Variants in AMZ1 observed in about 807,000 individuals in gnomAD.
The protein encoded by AMZ1 is archaelysin family metallopeptidase 1, also known as archaemetzincin-1.
AMZ1 carries 39 observed loss-of-function variants against 29.9 expected under a neutral mutation model. That is an observed-to-expected ratio of 1.30 (90% CI 1.01 to 1.70). The LOEUF (loss-of-function observed/expected upper bound fraction) is 1.70, where lower values mean the gene tolerates loss of function less well. AMZ1 is among the 40% of genes most tolerant of loss of function. The probability of loss-of-function intolerance (pLI) is 0.00; values close to 1 mark genes in which losing one functional copy is unlikely to be tolerated. For missense variants in AMZ1, 1,041 were observed against 680.6 expected, an observed-to-expected ratio of 1.53 and a Z score of -5.89; for synonymous variants, 458 against 304.0, an observed-to-expected ratio of 1.51 and a Z score of -5.27.
At chr7:2,760,792 G>A (rs956837698), upstream of AMZ1, among the ~76,000 whole-genome samples, 10 of 152,158 alleles carry the variant, frequency 6.6e-5, no homozygotes, top group Non-Finnish European at 1.3e-4. Context: ...CTGCTGGACC[G>A]TCCCAGCTGC....
intron 4 of AMZ1, among the ~76,000 whole-genome samples, chr7:2,747,047 A>G (rs186316548): frequency 6.6e-6 from 1 of 152,206 alleles, no homozygotes; most frequent in African/African-American, 2.4e-5. Context: ...AACCAAAAAA[A>G]GTCCAGGAGC....
rs1472757552 is a variant in AMZ1 at position 2,717,783 on chromosome 7, G to A, written c.*4905G>A. Among the ~76,000 whole-genome samples, 1 of 152,314 alleles carries A rather than the reference G, an allele frequency of 6.6e-6. No individual in the cohort carries two copies. Among genetic ancestry groups the A allele is most frequent in the South Asian group, 2.1e-4 (1 of 4,824 alleles). ...CACCTTGATGAATGAGAACCCGGAA[G>A]AATGGAGGTTTATTTTTGAACTCAG... On this transcript the variant is annotated 3_prime_UTR_variant, in exon 7 of 7. Transcript: ENST00000683327.
chr7:2,717,301 G>C lies in AMZ1; in HGVS notation c.*4423G>C, dbSNP rs1789184881. Reference sequence around the variant, plus strand: ...AAGACGGAGAGAATCAGGGCTTCGCGACGGGGCTCATAGACCTGAACTGGG... The same window carrying C: ...AAGACGGAGAGAATCAGGGCTTCGCCACGGGGCTCATAGACCTGAACTGGG... On this transcript the variant is annotated 3_prime_UTR_variant, in exon 7 of 7. Coordinates refer to ENST00000683327, the MANE Select transcript of AMZ1 (RefSeq NM_001384743.1). Among the ~76,000 whole-genome samples the C allele has an allele frequency of 6.6e-6, 1 of 152,288 alleles. No individual in the cohort carries two copies. The highest frequency in any genetic ancestry group is 1.9e-4 in the East Asian group (1 of 5,186).
At chr7:2,702,467 C>A in intron 2 of AMZ1, 1 of 517,056 alleles carries the variant, frequency 1.9e-6, no homozygotes, top group East Asian at 3.4e-5. Flanking sequence ...CTGCTCTCTC[C>A]CTGAGCTCAT....
Position 2,709,807 on chromosome 7 carries a change from G to GA in AMZ1, c.940dup (p.Arg314LysfsTer42). 1 of 1,611,986 alleles carries GA rather than the reference G, an allele frequency of 6.2e-7. No individual in the cohort carries two copies. Among genetic ancestry groups the GA allele is most frequent in the Non-Finnish European group, 8.5e-7 (1 of 1,179,782 alleles). On this transcript the variant is annotated frameshift_variant, in exon 6 of 7. Coordinates refer to ENST00000683327, the MANE Select transcript of AMZ1 (RefSeq NM_001384743.1). LOFTEE classifies it low-confidence loss of function (END_TRUNC). ...ATGTCCTGGGTTTCAGGCTCATCGA[G>GA]AGGTACCAGGTGAGTGGCTGAGTTG... is the stretch of plus-strand genomic sequence containing the variant.
chr7:2,742,931 G>C (rs1438091986), intron 4 of AMZ1, among the ~76,000 whole-genome samples: 1 of 152,180 alleles, frequency 6.6e-6, no homozygotes, highest in Non-Finnish European at 1.5e-5. Context: ...TAGACCTGTA[G>C]GTTCTTCTCA....
downstream of AMZ1, among the ~76,000 whole-genome samples, chr7:2,720,980 G>A (rs748268006): frequency 5.9e-5 from 9 of 152,316 alleles, no homozygotes; most frequent in South Asian, 2.1e-4. Context: ...CGCCCAGCCC[G>A]TTATTTCTGT....
At position 2,731,365 on chromosome 7, in the gene AMZ1, G is replaced by A; in HGVS notation, n.550+21549G>A. On this transcript the variant is annotated intron_variant and non_coding_transcript_variant, in intron 4 of 4. Coordinates refer to the AMZ1 transcript ENST00000489665. This position sits in a 1 kb window ranked among gnomAD's most constrained non-coding sequence, Gnocchi z 6.0. ...GCGCTGGACGTCCTCCAGCCTGTGC[G>A]GGTCGCCCCTGAAGTCCGGGAAGTG... 6.2e-7 allele frequency: 1 copy of A among 1,613,882 alleles called. No individual in the cohort carries two copies. The highest frequency in any genetic ancestry group is 8.5e-7 in the Non-Finnish European group (1 of 1,179,908).
intron 1 of AMZ1, 135 bp downstream of exon 1, chr7:2,688,431 G>A (rs998189381): frequency 1.3e-5 from 2 of 152,014 alleles, no homozygotes; most frequent in African/African-American, 4.8e-5. Flanking sequence ...GGCGGCGGCG[G>A]CTACGGGCGC....
chr7:2,707,979 A>T lies in AMZ1; in HGVS notation c.473-609A>T, dbSNP rs1343976838. On this transcript the variant is annotated intron_variant, in intron 3 of 6. Transcript: ENST00000683327. The stretch of plus-strand genomic sequence containing the variant: ...GTTGGGATTACAGGCACGCACCACC[A>T]GGCCCGGCTCATTTTGTATTTTTAG... 2.0e-5 allele frequency among the ~76,000 whole-genome samples: 3 copies of T among 151,826 alleles called. No homozygotes were observed. In the East Asian group the frequency reaches 5.8e-4, roughly 29 times the overall value.
intron 3 of AMZ1, among the ~76,000 whole-genome samples, chr7:2,704,311 T>G (rs1052654597): frequency 6.6e-6 from 1 of 152,314 alleles, no homozygotes; most frequent in South Asian, 2.1e-4. Context: ...AAGACCAGCC[T>G]GGGCAACTAG....
In AMZ1 at chr7:2,718,297, C is replaced by T. The variant is rs1196025274; in HGVS notation, c.*5419C>T. Among the ~76,000 whole-genome samples the T allele has an allele frequency of 6.6e-6, 1 of 152,190 alleles. No individual in the cohort carries two copies. Among genetic ancestry groups the T allele is most frequent in the Non-Finnish European group, 1.5e-5 (1 of 68,024 alleles). On this transcript the variant is annotated 3_prime_UTR_variant, in exon 7 of 7. Transcript: ENST00000683327. ...TCCATTTTCTCTCTCAGGCAGGGTG[C>T]TCTGCCCGCCACAGTGTGCCTGGTT...
At chr7:2,735,850 G>A (rs1174954415) in intron 4 of AMZ1, among the ~76,000 whole-genome samples, 1 of 152,156 alleles carries the variant, frequency 6.6e-6, no homozygotes, top group Admixed American at 6.5e-5. Context: ...TGAACTGTAA[G>A]GTGCCAGGGA....
chr7:2,723,485 G>A (rs1583193140), downstream of AMZ1, among the ~76,000 whole-genome samples: 1 of 152,230 alleles, frequency 6.6e-6, no homozygotes, highest in African/African-American at 2.4e-5. Context: ...GAGCACAGAT[G>A]GGAAACACAT....
downstream of AMZ1, among the ~76,000 whole-genome samples, chr7:2,722,065 C>T (rs1198722651): frequency 6.6e-6 from 1 of 152,130 alleles, no homozygotes; most frequent in Admixed American, 6.5e-5. Flanking sequence ...TCCTGAAAGG[C>T]ACAGGCGCTA....
intron 4 of AMZ1, among the ~76,000 whole-genome samples, chr7:2,740,134 C>CT (rs1720511405): frequency 6.6e-6 from 1 of 152,126 alleles, no homozygotes; most frequent in South Asian, 2.1e-4. Context: ...GGTGGCCATC[C>CT]TACTAGCTGT....
At chr7:2,757,212 T>C (rs1477651912) in intron 4 of AMZ1, among the ~76,000 whole-genome samples, 1 of 140,408 alleles carries the variant, frequency 7.1e-6, no homozygotes, top group Non-Finnish European at 1.5e-5. Context: ...CTTGGCTCAC[T>C]GCAAGCTCTG....
At chr7:2,760,563 G>A (rs1791508383), upstream of AMZ1, 3 of 152,328 alleles carry the variant, frequency 2.0e-5, no homozygotes, top group South Asian at 4.1e-4. Context: ...ATGGCACCAC[G>A]TCACATCAGG....
In AMZ1 at chr7:2,703,480, C is replaced by T. The variant is rs116309585; in HGVS notation, c.472+591C>T. Among the ~76,000 whole-genome samples, 1,127 of 149,636 alleles carry T rather than the reference C, an allele frequency of 7.5e-3. 21 individuals are homozygous for T. The highest frequency in any genetic ancestry group is 0.027 in the African/African-American group (1,087 of 39,854). On this transcript the variant is annotated intron_variant, in intron 3 of 6. Coordinates refer to ENST00000683327, the MANE Select transcript of AMZ1 (RefSeq NM_001384743.1). The stretch of plus-strand genomic sequence containing the variant: ...CTAAGGCCACTCAGCATGGCTCCAA[C>T]CTTCCGTCTTTGCATAGTACTTTAC...
Sources: gnomAD v4.1 joint callset for allele counts (sites outside exome capture counted in the v4.1 genomes callset) on GRCh38, gnomAD v4.1.1 for gene constraint, Gnocchi (gnomAD v3.1) non-coding constraint, MANE v1.5 for transcripts, NCBI Gene and HGNC (gene_info 2026-07-23, HGNC 2026-07-21) for gene names.